Variants in ATXN1 observed in about 807,000 individuals in gnomAD.
ATXN1 encodes the protein ataxin-1.
A neutral mutation model predicts 56.4 loss-of-function variants in ATXN1; 8 were observed. That is an observed-to-expected ratio of 0.14 (90% CI 0.08 to 0.26). ATXN1 has a LOEUF of 0.26. ATXN1 is among the 10% of genes least tolerant of loss of function. ATXN1 has a pLI of 1.00. For missense variants in ATXN1, 987 were observed against 1,106.5 expected, an observed-to-expected ratio of 0.89 and a Z score of 1.53; for synonymous variants, 514 against 494.6, an observed-to-expected ratio of 1.04 and a Z score of -0.52.
chr6:16,395,536 A>G (rs74291719), intron 6 of ATXN1, among the ~76,000 whole-genome samples: 306 of 152,240 alleles, frequency 2.0e-3, no homozygotes, highest in African/African-American at 7.0e-3. Flanking sequence ...TACATTACTC[A>G]TATGTTTGTG....
At chr6:16,458,803 G>T (rs945688530) in intron 6 of ATXN1, among the ~76,000 whole-genome samples, 56 of 152,344 alleles carry the variant, frequency 3.7e-4, no homozygotes, top group African/African-American at 1.3e-3. Context: ...ACTAGACGGG[G>T]TACTGCCCCA....
chr6:16,411,967 T>C (rs1758808887), intron 6 of ATXN1, among the ~76,000 whole-genome samples: 1 of 152,226 alleles, frequency 6.6e-6, no homozygotes, highest in Admixed American at 6.5e-5. Flanking sequence ...CAGCTCTCTC[T>C]CTCGCACTAT....
At chr6:16,700,863 T>A (rs936757142) in intron 2 of ATXN1, among the ~76,000 whole-genome samples, 10 of 151,926 alleles carry the variant, frequency 6.6e-5, no homozygotes, top group Non-Finnish European at 1.2e-4. Context: ...GGAAAACAGA[T>A]CTTAAGAAGA....
intron 6 of ATXN1, among the ~76,000 whole-genome samples, chr6:16,453,322 G>A (rs932022842): frequency 1.1e-4 from 17 of 152,246 alleles, no homozygotes; most frequent in South Asian, 1.0e-3. Context: ...TTAGCTGGGC[G>A]TAGTGGCAGG....
At chr6:16,593,760 G>A (rs1762764167) in intron 3 of ATXN1, among the ~76,000 whole-genome samples, 1 of 151,380 alleles carries the variant, frequency 6.6e-6, no homozygotes, top group African/African-American at 2.4e-5. Context: ...GTTACAGGTA[G>A]CTACTATAGT....
intron 2 of ATXN1, among the ~76,000 whole-genome samples, chr6:16,712,053 C>A (rs1389364944): frequency 6.6e-6 from 1 of 151,762 alleles, no homozygotes; most frequent in South Asian, 2.1e-4. Flanking sequence ...TGGTTGATGA[C>A]GGGGAGGTGG....
chr6:16,756,912 T>C (rs901276940), intron 1 of ATXN1, among the ~76,000 whole-genome samples: 2 of 152,216 alleles, frequency 1.3e-5, no homozygotes, highest in African/African-American at 4.8e-5. Context: ...ACTCAAGGTA[T>C]GTGCAAAAAA....
intron 2 of ATXN1, among the ~76,000 whole-genome samples, chr6:16,713,293 C>T (rs1248994056): frequency 2.0e-5 from 3 of 152,156 alleles, no homozygotes; most frequent in Admixed American, 1.3e-4. Flanking sequence ...AATTTACAAA[C>T]GCTGGGTTTA....
intron 2 of ATXN1, among the ~76,000 whole-genome samples, chr6:16,752,316 C>T (rs1436852149): frequency 1.3e-5 from 2 of 152,084 alleles, no homozygotes; most frequent in South Asian, 2.1e-4. Context: ...ACCGGCCGAC[C>T]CAGGGGTTCC....
chr6:16,666,524 T>A (rs893877932), intron 2 of ATXN1: 5 of 154,552 alleles, frequency 3.2e-5, no homozygotes, highest in African/African-American at 1.2e-4. Context: ...TTCTTTCTTT[T>A]TTTTTGGAGT....
intron 2 of ATXN1, among the ~76,000 whole-genome samples, chr6:16,686,223 T>C (rs2113409107): frequency 6.6e-6 from 1 of 152,298 alleles, no homozygotes; most frequent in South Asian, 2.1e-4. Flanking sequence ...AAAACATACA[T>C]AACACAGAGT....
intron 4 of ATXN1, among the ~76,000 whole-genome samples, chr6:16,531,244 A>G (rs1761498165): frequency 6.6e-6 from 1 of 152,234 alleles, no homozygotes; most frequent in Non-Finnish European, 1.5e-5. Context: ...CACCACAGCT[A>G]AAGATCAGAG....
chr6:16,589,078 C>A (rs1049653349), intron 3 of ATXN1, among the ~76,000 whole-genome samples: 3 of 152,086 alleles, frequency 2.0e-5, no homozygotes, highest in Non-Finnish European at 2.9e-5. Flanking sequence ...CTGTTCCCCC[C>A]ACACATCATC....
intron 7 of ATXN1, among the ~76,000 whole-genome samples, chr6:16,321,725 C>G (rs972306790): frequency 6.6e-6 from 1 of 152,152 alleles, no homozygotes; most frequent in Non-Finnish European, 1.5e-5. Flanking sequence ...AACTAAACAC[C>G]CCTCAGTTTT....
chr6:16,661,914 G>C (rs552049695), intron 2 of ATXN1, among the ~76,000 whole-genome samples: 152 of 152,296 alleles, frequency 1.0e-3, no homozygotes, highest in Non-Finnish European at 1.9e-3. Context: ...TGGAGCTAGA[G>C]ACACCCAGCT....
chr6:16,594,968 T>G (rs115029812), intron 3 of ATXN1, among the ~76,000 whole-genome samples: 2 of 152,204 alleles, frequency 1.3e-5, no homozygotes, highest in Non-Finnish European at 2.9e-5. Flanking sequence ...GGTTAATAAT[T>G]TGAAGACTCC....
At chr6:16,639,287 C>T (rs900772753) in intron 3 of ATXN1, among the ~76,000 whole-genome samples, 1 of 152,186 alleles carries the variant, frequency 6.6e-6, no homozygotes, top group Non-Finnish European at 1.5e-5. Context: ...TCCCTACCAT[C>T]TTTAAGAGCT....
At chr6:16,550,991 G>A (rs1051735547) in intron 4 of ATXN1, among the ~76,000 whole-genome samples, 1 of 152,210 alleles carries the variant, frequency 6.6e-6, no homozygotes, top group Non-Finnish European at 1.5e-5. Context: ...TGAGTTGACA[G>A]TGGACCTGAA....
intron 6 of ATXN1, among the ~76,000 whole-genome samples, chr6:16,383,652 C>G (rs563209804): frequency 2.6e-5 from 4 of 152,294 alleles, no homozygotes; most frequent in African/African-American, 9.6e-5. Context: ...CATCTACACA[C>G]CAGGCACCCA....
Sources: gnomAD v4.1 joint callset for allele counts (sites outside exome capture counted in the v4.1 genomes callset) on GRCh38, gnomAD v4.1.1 for gene constraint, MANE v1.5 for transcripts, NCBI Gene and HGNC (gene_info 2026-07-23, HGNC 2026-07-21) for gene names.